GRID2: variants seen among roughly 807,000 people sequenced by gnomAD.
GRID2 encodes glutamate receptor ionotropic, delta-2.
In GRID2, 33 loss-of-function variants were observed where a neutral mutation model predicts 114.8. That is an observed-to-expected ratio of 0.29 (90% confidence interval 0.22 to 0.38). GRID2 has a LOEUF of 0.38. Ranked by LOEUF, GRID2 falls within the 10% of genes least tolerant of loss-of-function variation. The pLI is 1.00. For missense variants in GRID2, 1,184 were observed against 1,257.7 expected (o/e 0.94, Z 0.89); for synonymous variants, 505 against 449.9 (o/e 1.12, Z -1.55).
At chr4:93,589,469 T>A (rs183117151) in intron 13 of GRID2, among the ~76,000 whole-genome samples, 1 of 152,232 alleles carries the variant, frequency 6.6e-6, no homozygotes, top group Non-Finnish European at 1.5e-5. Flanking sequence ...ACATTTGGGT[T>A]GGTTCCAAGT....
At chr4:93,062,375 T>C (rs565702221) in intron 2 of GRID2, among the ~76,000 whole-genome samples, 3 of 152,218 alleles carry the variant, frequency 2.0e-5, no homozygotes, top group South Asian at 2.1e-4. Flanking sequence ...CTAGCAATTA[T>C]AAAGTTGTCC....
At chr4:93,007,858 T>C (rs1482269831) in intron 2 of GRID2, among the ~76,000 whole-genome samples, 1 of 151,744 alleles carries the variant, frequency 6.6e-6, no homozygotes, top group Non-Finnish European at 1.5e-5. Flanking sequence ...CTGGCCAACA[T>C]GGTGAAACCC....
At chr4:93,312,479 G>A (rs1284278267) in intron 8 of GRID2, among the ~76,000 whole-genome samples, 1 of 152,104 alleles carries the variant, frequency 6.6e-6, no homozygotes, top group Non-Finnish European at 1.5e-5. Flanking sequence ...GAACTAGCAG[G>A]TACAAGCCTG....
chr4:93,462,745 A>C (rs941670547), intron 11 of GRID2, among the ~76,000 whole-genome samples: 3 of 151,530 alleles, frequency 2.0e-5, no homozygotes, highest in South Asian at 2.1e-4. Flanking sequence ...GATATCAAAT[A>C]TATGAAACTT....
chr4:92,606,259 T>A lies in GRID2; in HGVS notation c.244+15973T>A, dbSNP rs112045953. 2.1e-4 allele frequency among the ~76,000 whole-genome samples: 32 copies of A among 152,132 alleles called. 1 individual carries two copies. Among genetic ancestry groups the A allele is most frequent in the African/African-American group, 6.3e-4 (26 of 41,540 alleles). ...TAACTTATCACATCCAATGAACTGT[T>A]GAAAATACTTTGTTTTCTCCTGATC... On this transcript the variant is annotated intron_variant, in intron 2 of 15. Transcript: ENST00000282020.
At chr4:92,566,824 C>G (rs1242062616) in intron 1 of GRID2, among the ~76,000 whole-genome samples, 2 of 152,002 alleles carry the variant, frequency 1.3e-5, no homozygotes, top group Non-Finnish European at 2.9e-5. Context: ...CAAAGTATGA[C>G]TAGTATGTGA....
At chr4:92,435,422 G>A (rs1264923993) in intron 1 of GRID2, among the ~76,000 whole-genome samples, 1 of 152,178 alleles carries the variant, frequency 6.6e-6, no homozygotes, top group Admixed American at 6.5e-5. Flanking sequence ...TACAGTGGAA[G>A]AATGTGCTAC....
chr4:92,405,653 T>A (rs1368804351), intron 1 of GRID2, among the ~76,000 whole-genome samples: 3 of 151,904 alleles, frequency 2.0e-5, no homozygotes, highest in African/African-American at 4.8e-5. Context: ...GGAAAAAAGT[T>A]GATTAGGATA....
chr4:93,752,652 G>A (rs1732425554), intron 14 of GRID2, among the ~76,000 whole-genome samples: 1 of 152,164 alleles, frequency 6.6e-6, no homozygotes, highest in African/African-American at 2.4e-5. Context: ...TTACAGGCAT[G>A]AGCCACCGCG....
At chr4:93,171,442 T>A (rs7437416) in intron 4 of GRID2, among the ~76,000 whole-genome samples, 11,493 of 152,232 alleles carry the variant, frequency 0.075, 477 homozygotes, top group East Asian at 0.17. Flanking sequence ...GCTCCACAGT[T>A]TAAATTTCTC....
At chr4:93,019,220 T>C (rs1472983220) in intron 2 of GRID2, among the ~76,000 whole-genome samples, 4 of 152,182 alleles carry the variant, frequency 2.6e-5, no homozygotes, top group Non-Finnish European at 5.9e-5. Context: ...TACACACACA[T>C]ACATGTACAC....
intron 14 of GRID2, among the ~76,000 whole-genome samples, chr4:93,686,166 C>T (rs930126955): frequency 8.6e-5 from 13 of 151,964 alleles, no homozygotes; most frequent in African/African-American, 2.4e-4. Context: ...CTTAGTTCAC[C>T]GAATTCATCT....
At chr4:92,920,888 T>C (rs1444131142) in intron 2 of GRID2, among the ~76,000 whole-genome samples, 1 of 152,186 alleles carries the variant, frequency 6.6e-6, no homozygotes, top group Admixed American at 6.5e-5. Flanking sequence ...AATTTGAATG[T>C]TGGTCTGCCT....
chr4:93,756,894 G>A (rs1317978953), intron 14 of GRID2, among the ~76,000 whole-genome samples: 1 of 152,212 alleles, frequency 6.6e-6, no homozygotes, highest in Non-Finnish European at 1.5e-5. Context: ...TCCTCAAGGA[G>A]TTGATAGCCT....
rs907215552 is a variant in GRID2 at position 92,586,613 on chromosome 4, C to G, written c.89-3518C>G. 2.6e-5 allele frequency among the ~76,000 whole-genome samples: 4 copies of G among 151,844 alleles called. No homozygotes were observed. The East Asian group carries it at 5.8e-4, about 22-fold the overall frequency. ...TTCAAAGGGCATACCTGCATTAATA[C>G]TTTTACATATGACACTTCACAATGA... is the stretch of plus-strand genomic sequence containing the variant. On this transcript the variant is annotated intron_variant, in intron 1 of 15. Coordinates refer to ENST00000282020, the MANE Select transcript of GRID2 (RefSeq NM_001510.4).
At chr4:93,761,445 C>T (rs1368818781) in intron 14 of GRID2, among the ~76,000 whole-genome samples, 1 of 152,118 alleles carries the variant, frequency 6.6e-6, no homozygotes, top group East Asian at 1.9e-4. Context: ...ATAAAGCCCA[C>T]TTGTTTACTT....
intron 1 of GRID2, among the ~76,000 whole-genome samples, chr4:92,577,797 C>A (rs2149199143): frequency 6.6e-6 from 1 of 152,086 alleles, no homozygotes; most frequent in Non-Finnish European, 1.5e-5. Context: ...GAGTGGAGAA[C>A]AATTAGCATT....
At chr4:93,449,278 T>A (rs1408081326) in intron 10 of GRID2, among the ~76,000 whole-genome samples, 1 of 152,018 alleles carries the variant, frequency 6.6e-6, no homozygotes, top group Non-Finnish European at 1.5e-5. Flanking sequence ...CTATTTTCCT[T>A]CTGCTTTCTG....
At chr4:93,621,866 T>C (rs1286070580) in intron 13 of GRID2, among the ~76,000 whole-genome samples, 1 of 152,192 alleles carries the variant, frequency 6.6e-6, no homozygotes, top group East Asian at 1.9e-4. Context: ...CTTTGGAACA[T>C]TAGTATTGCA....
Sources: gnomAD v4.1 joint callset for allele counts (sites outside exome capture counted in the v4.1 genomes callset) on GRCh38, gnomAD v4.1.1 for gene constraint, MANE v1.5 for transcripts, NCBI Gene and HGNC (gene_info 2026-07-23, HGNC 2026-07-21) for gene names.